Variants in PPHLN1 observed in about 807,000 individuals in gnomAD.
PPHLN1 encodes periphilin 1, also known as periphilin-1.
A neutral mutation model predicts 51.3 loss-of-function variants in PPHLN1; 29 were observed. The ratio of observed to expected loss-of-function variants is 0.57; its 90% CI spans 0.42 to 0.77. The LOEUF (loss-of-function observed/expected upper bound fraction) is 0.77. Among genes scored for constraint, PPHLN1 ranks in the 30% least tolerant of loss-of-function variants. The pLI is 0.00. For missense variants in PPHLN1, 436 were observed against 438.4 expected, an observed-to-expected ratio of 0.99 and a Z score of 0.05; for synonymous variants, 147 against 147.8, an observed-to-expected ratio of 0.99 and a Z score of 0.04.
chr12:42,424,184 A>G (rs759151444), intron 9 of PPHLN1, among the ~76,000 whole-genome samples: 5 of 152,190 alleles, frequency 3.3e-5, no homozygotes, highest in Non-Finnish European at 5.9e-5. Context: ...AAGGCCAGGT[A>G]ACATCTATTC....
chr12:42,397,324 A>T (rs2078330188), intron 8 of PPHLN1, among the ~76,000 whole-genome samples: 1 of 152,134 alleles, frequency 6.6e-6, no homozygotes, highest in Non-Finnish European at 1.5e-5. Flanking sequence ...TGATGACCTT[A>T]ATTTTTTTGC....
intron 1 of PPHLN1, among the ~76,000 whole-genome samples, chr12:42,332,869 T>G (rs553670241): frequency 6.6e-6 from 1 of 152,310 alleles, no homozygotes; most frequent in African/African-American, 2.4e-5. Flanking sequence ...ACATTCTCCT[T>G]TAGTATATTA....
Position 42,441,695 on chromosome 12 carries a change from A to AT in PPHLN1, c.*192dup. 4 of 1,274,626 alleles carry AT rather than the reference A, an allele frequency of 3.1e-6. No homozygotes were observed. Among genetic ancestry groups the AT allele is most frequent in the South Asian group, 2.3e-5 (1 of 43,900 alleles). The allele number at this position is 1,274,626 out of a possible 1,614,324, so 79.0% of individuals were successfully genotyped here. A position where few individuals can be genotyped will look rare whatever the true frequency, so the allele number is the denominator to read the frequency against. ...TAAAATGTTTGATTCAAATTTTTGTATTTTTTGTAGAGATGGGGTTCACCA... is the reference window on the plus strand; with the variant it reads ...TAAAATGTTTGATTCAAATTTTTGTATTTTTTTGTAGAGATGGGGTTCACCA... On this transcript the variant is annotated 3_prime_UTR_variant, in exon 10 of 10. Coordinates refer to ENST00000358314, the MANE Select transcript of PPHLN1 (RefSeq NM_201439.2).
chr12:42,372,651 G>C (rs370741387), intron 4 of PPHLN1, among the ~76,000 whole-genome samples: 3 of 151,992 alleles, frequency 2.0e-5, no homozygotes, highest in African/African-American at 7.3e-5. Flanking sequence ...TAGGCCTGCT[G>C]TTCTTTTTTT....
chr12:42,398,048 G>T (rs1319252028), intron 8 of PPHLN1, among the ~76,000 whole-genome samples: 1 of 151,780 alleles, frequency 6.6e-6, no homozygotes, highest in Non-Finnish European at 1.5e-5. Flanking sequence ...TTACAATGTG[G>T]CTCTTCTTTG....
chr12:42,410,203 T>C (rs1427220977), intron 9 of PPHLN1, among the ~76,000 whole-genome samples: 3 of 151,890 alleles, frequency 2.0e-5, no homozygotes, highest in Non-Finnish European at 2.9e-5. Context: ...CAGTACATTC[T>C]CTATTGTGAT....
At chr12:42,341,017 G>A (rs60949933) in intron 2 of PPHLN1, among the ~76,000 whole-genome samples, 23,299 of 128,070 alleles carry the variant, frequency 0.18, 1,938 homozygotes, top group Admixed American at 0.26. Context: ...GTTTTGCTCT[G>A]TCGCCCAGGT....
chr12:42,380,908 C>CTT (rs2138917985), intron 5 of PPHLN1, among the ~76,000 whole-genome samples: 1 of 152,238 alleles, frequency 6.6e-6, no homozygotes, highest in African/African-American at 2.4e-5. Flanking sequence ...ATATATTGAA[C>CTT]ATAAATTGTT....
intron 1 of PPHLN1, among the ~76,000 whole-genome samples, chr12:42,333,879 A>G (rs2070189731): frequency 2.6e-5 from 4 of 152,150 alleles, no homozygotes; most frequent in Admixed American, 1.3e-4. Flanking sequence ...GTATGCCATT[A>G]TAGTTTTGGT....
chr12:42,380,521 C>A (rs902277317), intron 5 of PPHLN1, among the ~76,000 whole-genome samples: 3 of 151,898 alleles, frequency 2.0e-5, no homozygotes, highest in African/African-American at 7.3e-5. Context: ...AGATAGAGTC[C>A]ATTTTTGAAT....
At chr12:42,347,509 G>A (rs964869132) in intron 2 of PPHLN1, among the ~76,000 whole-genome samples, 2 of 152,338 alleles carry the variant, frequency 1.3e-5, no homozygotes, top group African/African-American at 4.8e-5. Context: ...GGCGGGCGCA[G>A]TGGCTCATGC....
chr12:42,379,580 T>G (rs2138887556), intron 5 of PPHLN1, among the ~76,000 whole-genome samples: 1 of 152,174 alleles, frequency 6.6e-6, no homozygotes, highest in African/African-American at 2.4e-5. Flanking sequence ...TGAATTTTTA[T>G]TTTAGCAACC....
At chr12:42,423,559 A>C (rs933689345) in intron 9 of PPHLN1, among the ~76,000 whole-genome samples, 1 of 152,214 alleles carries the variant, frequency 6.6e-6, no homozygotes, top group Admixed American at 6.5e-5. Context: ...CTATTATCCT[A>C]CATTTCTATA....
intron 9 of PPHLN1, among the ~76,000 whole-genome samples, chr12:42,433,976 C>G (rs190446705): frequency 2.0e-5 from 3 of 152,176 alleles, no homozygotes; most frequent in Non-Finnish European, 4.4e-5. Flanking sequence ...ACCAAAAGTT[C>G]AGGGTTTGGA....
chr12:42,444,530 C>CT (rs1394868360), downstream of PPHLN1: 1 of 152,094 alleles, frequency 6.6e-6, no homozygotes, highest in Non-Finnish European at 1.5e-5. Context: ...CAGGGCTGCA[C>CT]TTCCTAGAAT....
At chr12:42,362,579 C>T (rs145355933) in intron 4 of PPHLN1, among the ~76,000 whole-genome samples, 13 of 152,292 alleles carry the variant, frequency 8.5e-5, no homozygotes, top group African/African-American at 1.7e-4. Context: ...CCAAGGAGCA[C>T]GGGCCTTCTA....
intron 7 of PPHLN1, among the ~76,000 whole-genome samples, chr12:42,391,677 C>T (rs1316963891): frequency 6.6e-6 from 1 of 152,026 alleles, no homozygotes; most frequent in East Asian, 1.9e-4. Flanking sequence ...TATGTGTTTT[C>T]TTCTTCTAAC....
At chr12:42,436,503 G>A (rs181429504) in intron 9 of PPHLN1, among the ~76,000 whole-genome samples, 3 of 152,274 alleles carry the variant, frequency 2.0e-5, no homozygotes, top group Admixed American at 2.0e-4. Context: ...TGCCTCAAGT[G>A]ACTACTTAGT....
At chr12:42,429,202 T>C (rs2139822484) in intron 9 of PPHLN1, among the ~76,000 whole-genome samples, 1 of 152,352 alleles carries the variant, frequency 6.6e-6, no homozygotes, top group South Asian at 2.1e-4. Flanking sequence ...AAGCCAGTAA[T>C]TGACATTGAA....
Sources: gnomAD v4.1 joint callset for allele counts (sites outside exome capture counted in the v4.1 genomes callset) on GRCh38, gnomAD v4.1.1 for gene constraint, MANE v1.5 for transcripts, NCBI Gene and HGNC (gene_info 2026-07-23, HGNC 2026-07-21) for gene names.